TRERF1: variants seen among roughly 807,000 people sequenced by gnomAD.
The protein encoded by TRERF1 is transcriptional-regulating factor 1.
A neutral mutation model predicts 122.9 loss-of-function variants in TRERF1; 27 were observed. That is an observed-to-expected ratio of 0.22 (90% CI 0.16 to 0.30). The LOEUF (loss-of-function observed/expected upper bound fraction) is 0.30, where lower values mean the gene tolerates loss of function less well. Ranked by LOEUF, TRERF1 falls within the 10% of genes least tolerant of loss-of-function variation. The pLI, the probability that TRERF1 is intolerant of heterozygous loss-of-function variation, is 1.00. For missense variants in TRERF1, 1,248 were observed against 1,560.3 expected (o/e 0.80, Z 3.37); for synonymous variants, 636 against 641.7 (o/e 0.99, Z 0.13).
chr6:42,310,284 TGCTCAATA>T (rs1788023070), intron 3 of TRERF1, among the ~76,000 whole-genome samples: 2 of 152,208 alleles, frequency 1.3e-5, no homozygotes, highest in Admixed American at 6.5e-5. Flanking sequence ...CATTTTAAGA[TGCTCAATA>T]GCCACATGTG....
At chr6:42,409,199 C>A (rs911614226) in intron 2 of TRERF1, among the ~76,000 whole-genome samples, 1 of 152,022 alleles carries the variant, frequency 6.6e-6, no homozygotes, top group Non-Finnish European at 1.5e-5. Context: ...AGATTGCCTG[C>A]GCCCAGGAAG....
At chr6:42,436,569 C>T (rs1785397557) in intron 2 of TRERF1, among the ~76,000 whole-genome samples, 1 of 151,668 alleles carries the variant, frequency 6.6e-6, no homozygotes, top group African/African-American at 2.4e-5. Context: ...TTCACCCAGG[C>T]CTATTGTTAT....
At chr6:42,323,489 G>A (rs1041372527) in intron 3 of TRERF1, among the ~76,000 whole-genome samples, 7 of 151,958 alleles carry the variant, frequency 4.6e-5, no homozygotes, top group African/African-American at 7.3e-5. Context: ...GAGCCACCGC[G>A]CCTGGCCTCC....
At chr6:42,306,127 G>A (rs919581945) in intron 3 of TRERF1, among the ~76,000 whole-genome samples, 3 of 148,244 alleles carry the variant, frequency 2.0e-5, no homozygotes, top group Non-Finnish European at 3.0e-5. Flanking sequence ...CTAGCCTCTC[G>A]AGTAGCTGGG....
At chr6:42,251,384 C>A (rs1486885566) in intron 13 of TRERF1, among the ~76,000 whole-genome samples, 2 of 152,122 alleles carry the variant, frequency 1.3e-5, no homozygotes, top group African/African-American at 4.8e-5. Flanking sequence ...CATTTCCACA[C>A]AGGGTTTTCA....
chr6:42,366,512 C>T (rs933517214), intron 2 of TRERF1, among the ~76,000 whole-genome samples: 2 of 152,142 alleles, frequency 1.3e-5, no homozygotes, highest in East Asian at 1.9e-4. Context: ...GGGTTTGGCT[C>T]CTCCCTCCTC....
intron 3 of TRERF1, among the ~76,000 whole-genome samples, chr6:42,360,772 A>G (rs960324480): frequency 5.5e-4 from 6 of 10,954 alleles, no homozygotes; most frequent in Non-Finnish European, 1.1e-3. Context: ...TGGAGAGATT[A>G]AAAAAAAAAA....
At chr6:42,442,887 G>C (rs911320860) in intron 2 of TRERF1, among the ~76,000 whole-genome samples, 2 of 152,202 alleles carry the variant, frequency 1.3e-5, no homozygotes, top group African/African-American at 2.4e-5. Context: ...GATGCTGGCT[G>C]AACAGGTGAC....
intron 3 of TRERF1, among the ~76,000 whole-genome samples, chr6:42,354,398 C>A (rs1581748235): frequency 6.9e-6 from 1 of 144,892 alleles, no homozygotes; most frequent in Admixed American, 6.8e-5. Flanking sequence ...TTTTTTTTTT[C>A]ACATAAACGC....
chr6:42,445,684 C>A, intron 2 of TRERF1, among the ~76,000 whole-genome samples: 1 of 152,112 alleles, frequency 6.6e-6, no homozygotes, highest in East Asian at 1.9e-4. Flanking sequence ...AAGCCAGAAA[C>A]CTCGGAGTTC....
At chr6:42,256,429 C>T (rs1208337181) in intron 12 of TRERF1, among the ~76,000 whole-genome samples, 1 of 152,094 alleles carries the variant, frequency 6.6e-6, no homozygotes, top group Admixed American at 6.5e-5. Flanking sequence ...TCACTGGAGA[C>T]TCAGTTTTCT....
intron 2 of TRERF1, among the ~76,000 whole-genome samples, chr6:42,407,014 A>C (rs1352160484): frequency 6.6e-6 from 1 of 152,364 alleles, no homozygotes; most frequent in East Asian, 1.9e-4. Context: ...ACATGAAGAA[A>C]CAGGGGCTTG....
chr6:42,269,844 C>A lies in TRERF1; in HGVS notation c.-254G>T. On this transcript the variant is annotated 5_prime_UTR_variant, in exon 5 of 18. The change creates a premature stop within an existing upstream ORF in the 5' untranslated region. Coordinates refer to ENST00000372922, the Ensembl canonical transcript of TRERF1. The surrounding 1 kb of genome is among the most constrained non-coding windows in gnomAD (Gnocchi z 4.9). The stretch of plus-strand genomic sequence containing the variant: ...AGCACTGTGGTGAGGAGACGTCGCT[C>A]ACACCTGCAAGGCAAGATGCAAAAG... 1.1e-6 allele frequency: 1 copy of A among 902,350 alleles called. No individual in the cohort carries two copies. The highest frequency in any genetic ancestry group is 1.5e-6 in the Non-Finnish European group (1 of 655,066). The allele number at this position is 902,350 out of a possible 1,614,324, so 55.9% of individuals were successfully genotyped here.
rs1442893492 is a variant in TRERF1 at position 42,265,681 on chromosome 6, G to A, written c.1484+70C>T. ...GAGGAATGACTTGGAATTTAAAAAT[G>A]AATCATGAGAGACACCCCAGAAAAT... On this transcript the variant is annotated intron_variant, in intron 6 of 17. Transcript: ENST00000372922. 7 of 1,466,716 alleles carry A rather than the reference G, an allele frequency of 4.8e-6. No homozygotes were observed. In the East Asian group the frequency reaches 1.6e-4, roughly 34 times the overall value. 90.9% of individuals were successfully genotyped at this position (1,466,716 alleles called of 1,614,324 possible).
At chr6:42,344,055 G>A (rs1182112165) in intron 3 of TRERF1, among the ~76,000 whole-genome samples, 1 of 152,218 alleles carries the variant, frequency 6.6e-6, no homozygotes, top group Non-Finnish European at 1.5e-5. Context: ...GGAATTGGAG[G>A]CCAACGCTTC....
At chr6:42,233,527 T>C (rs59155327) in intron 16 of TRERF1, among the ~76,000 whole-genome samples, 28,249 of 151,852 alleles carry the variant, frequency 0.19, 4,322 homozygotes, top group African/African-American at 0.42. Flanking sequence ...CCTTGTGATC[T>C]GCCCGCCTTG....
At chr6:42,253,438 G>C (rs1776189815) in intron 13 of TRERF1, among the ~76,000 whole-genome samples, 1 of 152,302 alleles carries the variant, frequency 6.6e-6, no homozygotes, top group Middle Eastern at 3.4e-3. Flanking sequence ...AGGGTTCAAT[G>C]AGCAGCAGAT....
intron 2 of TRERF1, among the ~76,000 whole-genome samples, chr6:42,399,552 C>G (rs1779101815): frequency 6.6e-6 from 1 of 152,182 alleles, no homozygotes; most frequent in South Asian, 2.1e-4. Context: ...GGCTGCAGCG[C>G]TGGGGTCCCT....
At chr6:42,347,893 C>T (rs527632885) in intron 3 of TRERF1, among the ~76,000 whole-genome samples, 8 of 152,296 alleles carry the variant, frequency 5.3e-5, no homozygotes, top group South Asian at 2.1e-4. Context: ...GAAGTAATAC[C>T]GAACGGGGAG....
Sources: allele counts gnomAD v4.1 joint callset (sites outside exome capture counted in the v4.1 genomes callset), GRCh38; gene constraint gnomAD v4.1.1; non-coding constraint Gnocchi (gnomAD v3.1); transcripts MANE v1.5; gene names NCBI Gene and HGNC (gene_info 2026-07-23, HGNC 2026-07-21).